TUSC3: variants seen among roughly 807,000 people sequenced by gnomAD.
The protein encoded by TUSC3 is dolichyl-diphosphooligosaccharide--protein glycosyltransferase subunit TUSC3.
TUSC3 carries 45 observed loss-of-function variants against 44.8 expected under a neutral mutation model. That is an observed-to-expected ratio of 1.00 (90% confidence interval 0.79 to 1.29). The LOEUF is 1.29. Among genes scored for constraint, TUSC3 ranks in the 50% most tolerant of loss-of-function variants. The pLI, the probability that TUSC3 is intolerant of heterozygous loss-of-function variation, is 0.00. For missense variants in TUSC3, 519 were observed against 437.9 expected (o/e 1.19, Z -1.65); for synonymous variants, 212 against 152.9 (o/e 1.39, Z -2.85).
chr8:15,459,877 T>A (rs982192123), intron 1 of TUSC3, among the ~76,000 whole-genome samples: 7 of 141,834 alleles, frequency 4.9e-5, no homozygotes, highest in Middle Eastern at 3.6e-3. Flanking sequence ...TGTGTGTGTA[T>A]ACATACATAC....
intron 9 of TUSC3, among the ~76,000 whole-genome samples, chr8:15,752,485 A>C (rs1411227145): frequency 6.6e-6 from 1 of 152,154 alleles, no homozygotes; most frequent in Non-Finnish European, 1.5e-5. Flanking sequence ...CTCTAATTCA[A>C]ATTCTAGATG....
intron 1 of TUSC3, among the ~76,000 whole-genome samples, chr8:15,427,835 G>A (rs1799823860): frequency 6.6e-6 from 1 of 152,094 alleles, no homozygotes; most frequent in South Asian, 2.1e-4. Context: ...CAACACCAAT[G>A]TCAAGAAGCT....
the TUSC3 span, among the ~76,000 whole-genome samples, chr8:15,845,663 A>T: frequency 6.6e-6 from 1 of 152,136 alleles, no homozygotes; most frequent in South Asian, 2.1e-4. Context: ...ATTTATTTGC[A>T]GGGTGGGGGC....
chr8:15,769,349 T>C (rs1283092223), downstream of TUSC3, among the ~76,000 whole-genome samples: 1 of 152,160 alleles, frequency 6.6e-6, no homozygotes, highest in Non-Finnish European at 1.5e-5. Flanking sequence ...ATTTAATAAA[T>C]GGTGATGGGA....
At chr8:15,493,162 G>C (rs1233970264) in intron 2 of TUSC3, among the ~76,000 whole-genome samples, 6 of 152,316 alleles carry the variant, frequency 3.9e-5, no homozygotes, top group Non-Finnish European at 7.3e-5. Context: ...TATCCAAAGT[G>C]ACAAAGTGAA....
chr8:15,466,107 A>G (rs1373015736), intron 1 of TUSC3, among the ~76,000 whole-genome samples: 1 of 152,158 alleles, frequency 6.6e-6, no homozygotes, highest in Non-Finnish European at 1.5e-5. Context: ...AGATTGTGCT[A>G]GATTATTTTT....
intron 3 of TUSC3, among the ~76,000 whole-genome samples, chr8:15,655,981 G>A (rs973204738): frequency 6.6e-6 from 1 of 152,120 alleles, no homozygotes; most frequent in African/African-American, 2.4e-5. Flanking sequence ...AATCCCTTTG[G>A]AAGGGCTAAC....
At chr8:15,627,711 G>A (rs920137123) in intron 2 of TUSC3, among the ~76,000 whole-genome samples, 56 of 152,200 alleles carry the variant, frequency 3.7e-4, no homozygotes, top group African/African-American at 1.3e-3. Flanking sequence ...CAGTCCACCT[G>A]CAGCCTCACA....
chr8:15,775,631 C>T, the TUSC3 span, among the ~76,000 whole-genome samples: 3 of 53,624 alleles, frequency 5.6e-5, no homozygotes, highest in African/African-American at 2.5e-4. Context: ...TATATACAGA[C>T]ACATATATAT....
chr8:15,459,852 G>T (rs899796024), intron 1 of TUSC3, among the ~76,000 whole-genome samples: 1 of 143,462 alleles, frequency 7.0e-6, no homozygotes, highest in Admixed American at 6.8e-5. Context: ...GTGTGTGTGT[G>T]TGTATGTGTG....
chr8:15,661,547 T>C (rs1807427262), intron 4 of TUSC3, among the ~76,000 whole-genome samples: 1 of 152,032 alleles, frequency 6.6e-6, no homozygotes, highest in South Asian at 2.1e-4. Flanking sequence ...AGGCACGTAA[T>C]GTCCATCTGT....
the TUSC3 span, among the ~76,000 whole-genome samples, chr8:15,796,710 A>G: frequency 6.6e-6 from 1 of 152,194 alleles, no homozygotes. Context: ...AGTTTCTACC[A>G]AAAAGATAGT....
chr8:15,506,458 C>T (rs1427964845), intron 2 of TUSC3, among the ~76,000 whole-genome samples: 1 of 152,142 alleles, frequency 6.6e-6, no homozygotes, highest in African/African-American at 2.4e-5. Context: ...ATCATATGAC[C>T]CCTTGTATTA....
the TUSC3 span, chr8:15,806,802 T>C: frequency 2.0e-5 from 17 of 851,872 alleles, no homozygotes; most frequent in East Asian, 3.4e-4. Flanking sequence ...GGATTTGCAA[T>C]TTGTGAAGAA....
chr8:15,516,373 T>C (rs1801215688), intron 2 of TUSC3, among the ~76,000 whole-genome samples: 1 of 152,204 alleles, frequency 6.6e-6, no homozygotes, highest in Admixed American at 6.5e-5. Flanking sequence ...GCTGACTTCT[T>C]GCAGACCACT....
At chr8:15,823,881 A>T in the TUSC3 span, among the ~76,000 whole-genome samples, 1 of 152,226 alleles carries the variant, frequency 6.6e-6, no homozygotes, top group South Asian at 2.1e-4. Context: ...TCCGTAAAGC[A>T]TTATTTATTA....
chr8:15,477,398 T>A (rs1159773207), intron 1 of TUSC3, among the ~76,000 whole-genome samples: 2 of 152,162 alleles, frequency 1.3e-5, no homozygotes, highest in Non-Finnish European at 2.9e-5. Flanking sequence ...CTAACTAGGA[T>A]AATTGCCTCA....
chr8:15,417,603 G>T (rs1799675208), intron 1 of TUSC3, among the ~76,000 whole-genome samples: 1 of 152,182 alleles, frequency 6.6e-6, no homozygotes, highest in South Asian at 2.1e-4. Context: ...TTACTCTAGG[G>T]AACGTTGTAA....
At chr8:15,536,115 A>G (rs904876465), upstream of TUSC3, among the ~76,000 whole-genome samples, 1 of 152,170 alleles carries the variant, frequency 6.6e-6, no homozygotes, top group African/African-American at 2.4e-5. Flanking sequence ...CCACTGATCT[A>G]GGCAAAAAGG....
Sources: allele counts gnomAD v4.1 joint callset (sites outside exome capture counted in the v4.1 genomes callset), GRCh38; gene constraint gnomAD v4.1.1; transcripts MANE v1.5; gene names NCBI Gene and HGNC (gene_info 2026-07-23, HGNC 2026-07-21).